Variants in SPINT1 observed in about 807,000 individuals in gnomAD.
The protein encoded by SPINT1 is kunitz-type protease inhibitor 1.
In SPINT1, 38 loss-of-function variants were observed where a neutral mutation model predicts 53.7. The observed-to-expected ratio is 0.71, with a 90% confidence interval of 0.55 to 0.93. The LOEUF is 0.93. Among genes scored for constraint, SPINT1 ranks in the 40% least tolerant of loss-of-function variants. SPINT1 has a pLI of 0.00. For missense variants in SPINT1, 645 were observed against 692.9 expected (o/e 0.93, Z 0.78); for synonymous variants, 283 against 280.6 (o/e 1.01, Z -0.08).
chr15:40,844,572 G>T lies in SPINT1; in HGVS notation c.18G>T (p.Thr6=). The T allele has an allele frequency of 1.2e-6, 2 of 1,609,924 alleles. No homozygotes were observed. The highest frequency in any genetic ancestry group is 1.7e-6 in the Non-Finnish European group (2 of 1,178,992). Residue 6 remains threonine, a synonymous_variant, in exon 2 of 11, where the codon ACG becomes ACT. Coordinates refer to ENST00000562057, the MANE Select transcript of SPINT1 (RefSeq NM_003710.4). The surrounding 1 kb of genome is among the most constrained non-coding windows in gnomAD (Gnocchi z 5.8). MAPAR[T]MARARLAPAG... is the part of the protein sequence containing the mutation. ...GGAAGGCGATGGCCCCTGCGAGGAC[G>T]ATGGCCCGCGCCCGCCTCGCCCCGG...
In SPINT1 at chr15:40,854,501, G is replaced by A. The variant is rs372720759; in HGVS notation, c.1045G>A (p.Asp349Asn). ...DDTPNCPDAS[D>N]EAACEKYTSG... is the part of the protein sequence containing the mutation. ...CACCCCCAACTGCCCCGACGCCTCCGACGAGGCTGCCTGTGAAAAATGTGA... is the reference window on the plus strand; with the variant it reads ...CACCCCCAACTGCCCCGACGCCTCCAACGAGGCTGCCTGTGAAAAATGTGA... Residue 349 changes from aspartate (D) to asparagine (N), a missense_variant, in exon 7 of 11, where the codon GAC becomes AAC. Asp to Asn is a conservative substitution (Grantham distance 23). Coordinates refer to ENST00000562057, the MANE Select transcript of SPINT1 (RefSeq NM_003710.4). The A allele has an allele frequency of 1.8e-5, 29 of 1,613,260 alleles. No individual in the cohort carries two copies. Among genetic ancestry groups the A allele is most frequent in the Admixed American group, 1.2e-4 (7 of 59,840 alleles).
At position 40,857,895 on chromosome 15, in the gene SPINT1, A is replaced by T. The variant is rs1353754688; in HGVS notation, c.*920A>T. On this transcript the variant is annotated 3_prime_UTR_variant, in exon 11 of 11. Coordinates refer to ENST00000562057, the MANE Select transcript of SPINT1 (RefSeq NM_003710.4). ...GGAGGCTGCAGTGCTGCTGTGTAGC[A>T]TTTCTTCCTGGTGTGAGCCTCTCCA... is the stretch of plus-strand genomic sequence containing the variant. 6.6e-6 allele frequency: 1 copy of T among 152,184 alleles called. No homozygotes were observed. Among genetic ancestry groups the T allele is most frequent in the African/African-American group, 2.4e-5 (1 of 41,380 alleles). 9.4% of individuals were successfully genotyped at this position (152,184 alleles called of 1,614,324 possible).
chr15:40,852,588 G>C (rs1003565267), intron 2 of SPINT1, among the ~76,000 whole-genome samples: 23 of 151,540 alleles, frequency 1.5e-4, no homozygotes, highest in Admixed American at 1.5e-3. Context: ...TATTTCTATT[G>C]TAGAAAATAG....
Position 40,856,770 on chromosome 15 carries a change from G to T in SPINT1, c.1337G>T (p.Gly446Val). The T allele has an allele frequency of 6.2e-7, 1 of 1,614,100 alleles. No homozygotes were observed. The highest frequency in any genetic ancestry group is 2.2e-5 in the East Asian group (1 of 44,886). Reference protein sequence around the residue: ...LRREIPIPSTGSVEMAVAVFL... With the variant: ...LRREIPIPSTVSVEMAVAVFL... ...CTTATTCTACCCCTTCTTCCCCCAG[G>T]CTCTGTGGAGATGGCTGTCGCAGTG... The change falls in exon 11 of 11, where the codon GGC becomes GTC. Residue 446 changes from glycine to valine, a missense_variant and splice_region_variant. Coordinates refer to ENST00000562057, the MANE Select transcript of SPINT1 (RefSeq NM_003710.4).
rs138999714 is a variant in SPINT1, at chr15:40,856,082, G to C, written c.1288+20G>C. 4.2e-5 allele frequency: 68 copies of C among 1,613,122 alleles called. No homozygotes were observed. The African/African-American group carries it at 7.6e-4, about 18-fold the overall frequency. On this transcript the variant is annotated intron_variant, in intron 9 of 10. Transcript: ENST00000562057. ...TCTCCAGTGAGTGGGCCAGTGAGAG[G>C]GTGGGCATGTATGGGGGAAGGCTTA... is the stretch of plus-strand genomic sequence containing the variant.
rs760620930 is a variant in SPINT1 at position 40,856,774 on chromosome 15, T to G, written c.1341T>G (p.Ser447=). The change falls in exon 11 of 11, where the codon TCT becomes TCG. Residue 447 remains serine, a synonymous_variant. Coordinates refer to ENST00000562057, the MANE Select transcript of SPINT1 (RefSeq NM_003710.4). ...RREIPIPSTG[S]VEMAVAVFLV... Reference sequence around the variant, plus strand: ...TTCTACCCCTTCTTCCCCCAGGCTCTGTGGAGATGGCTGTCGCAGTGTTCC... The same window carrying G: ...TTCTACCCCTTCTTCCCCCAGGCTCGGTGGAGATGGCTGTCGCAGTGTTCC... The G allele has an allele frequency of 6.2e-7, 1 of 1,614,172 alleles. No homozygotes were observed. Among genetic ancestry groups the G allele is most frequent in the East Asian group, 2.2e-5 (1 of 44,890 alleles).
chr15:40,857,146 A>G lies in SPINT1; in HGVS notation c.*171A>G. On this transcript the variant is annotated 3_prime_UTR_variant, in exon 11 of 11. Transcript: ENST00000562057. Reference sequence around the variant, plus strand: ...AAGTCTCAGCTAAGCTCACGTCCTGAGAAAGCTCAAAGGTTTGGAAGGAGC... The same window carrying G: ...AAGTCTCAGCTAAGCTCACGTCCTGGGAAAGCTCAAAGGTTTGGAAGGAGC... 1 of 884,346 alleles carries G rather than the reference A, an allele frequency of 1.1e-6. No homozygotes were observed. Among genetic ancestry groups the G allele is most frequent in the Non-Finnish European group, 1.7e-6 (1 of 603,638 alleles). The allele number at this position is 884,346 out of a possible 1,614,324, so 54.8% of individuals were successfully genotyped here.
intron 10 of SPINT1, 149 bp downstream of exon 10, chr15:40,856,472 G>A (rs986692302): frequency 1.9e-6 from 2 of 1,069,608 alleles, no homozygotes; most frequent in African/African-American, 3.1e-5. Flanking sequence ...GGGGATGCCT[G>A]CCACACACGA....
At chr15:40,854,037 TC>T in intron 5 of SPINT1, 22 bp from the exon 6 acceptor site, 1 of 1,534,518 alleles carries the variant, frequency 6.5e-7, no homozygotes, top group Non-Finnish European at 8.8e-7. Context: ...ATGCCTCCTC[TC>T]ATTCTCTGTT....
rs769530149 is a variant in SPINT1, at chr15:40,857,975, T to C, written c.*1000T>C. On this transcript the variant is annotated 3_prime_UTR_variant, in exon 11 of 11. Coordinates refer to ENST00000562057, the MANE Select transcript of SPINT1 (RefSeq NM_003710.4). ...AATTCTGCTCATTTGGAGGTTGGGG[T>C]TAGGGGTGCACAGGCACCTTGGCTC... The C allele has an allele frequency of 4.6e-5, 7 of 151,660 alleles. No homozygotes were observed. The highest frequency in any genetic ancestry group is 1.0e-4 in the Non-Finnish European group (7 of 67,936). The allele number at this position is 151,660 out of a possible 1,614,324, so 9.4% of individuals were successfully genotyped here.
chr15:40,853,659 C>T lies in SPINT1; in HGVS notation c.742+32C>T, dbSNP rs747444395. 1.2e-5 allele frequency: 19 copies of T among 1,613,952 alleles called. No individual in the cohort carries two copies. The South Asian group carries it at 1.8e-4, about 15-fold the overall frequency. On this transcript the variant is annotated intron_variant, in intron 4 of 10. Coordinates refer to ENST00000562057, the MANE Select transcript of SPINT1 (RefSeq NM_003710.4). ...GAGGGGTGAGGAGCAGCACCTGGAGCCCCCGCTGTGCGGATTGGCCGCACG... is the reference window on the plus strand; with the variant it reads ...GAGGGGTGAGGAGCAGCACCTGGAGTCCCCGCTGTGCGGATTGGCCGCACG...
At position 40,853,268 on chromosome 15, in the gene SPINT1, ACT is replaced by A. The variant is rs767407822; in HGVS notation, c.603+20_603+21del. 3.1e-6 allele frequency: 5 copies of A among 1,613,868 alleles called. No homozygotes were observed. The highest frequency in any genetic ancestry group is 4.2e-6 in the Non-Finnish European group (5 of 1,179,906). On this transcript the variant is annotated intron_variant, in intron 3 of 10. Coordinates refer to ENST00000562057, the MANE Select transcript of SPINT1 (RefSeq NM_003710.4). The stretch of plus-strand genomic sequence containing the variant: ...AGGGTAGAGGTGAGACACTGGGCTG[ACT>A]CTGACCCCGCCCTCTGCCTGCCAGC...
chr15:40,856,699 C>T, intron 10 of SPINT1, 71 bp from the exon 11 acceptor site: 1 of 1,599,940 alleles, frequency 6.3e-7, no homozygotes, highest in Admixed American at 1.7e-5. Context: ...TGGTCTCTTC[C>T]ATAGATTGGG....
In SPINT1 at chr15:40,857,750, G is replaced by A. The variant is rs1296142362; in HGVS notation, c.*775G>A. The A allele has an allele frequency of 6.6e-6, 1 of 151,684 alleles. No homozygotes were observed. Among genetic ancestry groups the A allele is most frequent in the African/African-American group, 2.4e-5 (1 of 40,914 alleles). The allele number at this position is 151,684 out of a possible 1,614,324, so 9.4% of individuals were successfully genotyped here. A position where few individuals can be genotyped will look rare whatever the true frequency, so the allele number is the denominator to read the frequency against. On this transcript the variant is annotated 3_prime_UTR_variant, in exon 11 of 11. Coordinates refer to ENST00000562057, the MANE Select transcript of SPINT1 (RefSeq NM_003710.4). The stretch of plus-strand genomic sequence containing the variant: ...AGCTGGTTCAGGCTTCAGCCACCCT[G>A]TTGAGCAGGTTTTCCCATCGTCTCT...
intron 2 of SPINT1, among the ~76,000 whole-genome samples, chr15:40,849,431 G>A (rs183092730): frequency 1.9e-3 from 283 of 152,044 alleles, no homozygotes; most frequent in African/African-American, 6.4e-3. Flanking sequence ...TTGTAAATAC[G>A]AGGTCTCACT....
chr15:40,851,160 T>C (rs1244177865), intron 2 of SPINT1, among the ~76,000 whole-genome samples: 1 of 145,816 alleles, frequency 6.9e-6, no homozygotes, highest in Admixed American at 6.8e-5. Flanking sequence ...TCTTTTTTCT[T>C]TTTTTTTTTT....
rs796510478 is a variant in SPINT1 at position 40,845,032 on chromosome 15, G to A, written c.475+3G>A. 7.5e-6 allele frequency: 12 copies of A among 1,598,392 alleles called. No homozygotes were observed. The African/African-American group carries it at 1.6e-4, about 21-fold the overall frequency. On this transcript the variant is annotated splice_donor_region_variant and intron_variant, in intron 2 of 10. Transcript: ENST00000562057. ...GCTGCGGACCCAGGGCTTTGGAGGT[G>A]AGGAGGGTGCCAAGATGGATGGGTT...
intron 5 of SPINT1, 46 bp from the exon 6 acceptor site, chr15:40,854,014 C>T (rs764449165): frequency 1.3e-6 from 2 of 1,579,052 alleles, no homozygotes; most frequent in Non-Finnish European, 8.6e-7. Flanking sequence ...CTCATCCCCA[C>T]TGGAGCCTGG....
Position 40,856,914 on chromosome 15 carries a change from C to T in SPINT1, c.1481C>T (p.Thr494Ile), listed in dbSNP as rs1180030271. The change falls in exon 11 of 11, where the codon ACT becomes ATT. Residue 494 changes from threonine to isoleucine, a missense_variant. Transcript: ENST00000562057. ...HHPPPTPASSTVSTTEDTEHL... is the reference protein window; with the variant it reads ...HHPPPTPASSIVSTTEDTEHL... ...CCACCACCCACCCCTGCCAGCTCCA[C>T]TGTCTCCACTACCGAGGACACGGAG... 14 of 1,614,230 alleles carry T rather than the reference C, an allele frequency of 8.7e-6. No homozygotes were observed. Among genetic ancestry groups the T allele is most frequent in the Non-Finnish European group, 1.2e-5 (14 of 1,180,030 alleles).
Sources: allele counts gnomAD v4.1 joint callset (sites outside exome capture counted in the v4.1 genomes callset), GRCh38; gene constraint gnomAD v4.1.1; non-coding constraint Gnocchi (gnomAD v3.1); transcripts MANE v1.5; gene names NCBI Gene and HGNC (gene_info 2026-07-23, HGNC 2026-07-21).